Variants in CAMTA1 observed in about 807,000 individuals in gnomAD.
CAMTA1 encodes calmodulin binding transcription activator 1.
A neutral mutation model predicts 170.9 loss-of-function variants in CAMTA1; 27 were observed. The observed-to-expected ratio is 0.16, with a 90% CI of 0.12 to 0.22. The LOEUF (loss-of-function observed/expected upper bound fraction) is 0.22, where lower values mean the gene tolerates loss of function less well. Ranked by LOEUF, CAMTA1 falls within the 10% of genes least tolerant of loss-of-function variation. The probability of loss-of-function intolerance (pLI) is 1.00; values close to 1 mark genes in which losing one functional copy is unlikely to be tolerated. For synonymous variants in CAMTA1, 833 were observed against 891.5 expected, an observed-to-expected ratio of 0.93 and a Z score of 1.17; for missense variants, 1,619 against 2,217.2, an observed-to-expected ratio of 0.73 and a Z score of 5.42.
chr1:6,852,181 T>C (rs936329891), intron 3 of CAMTA1, among the ~76,000 whole-genome samples: 1 of 152,198 alleles, frequency 6.6e-6, no homozygotes, highest in Non-Finnish European at 1.5e-5. Flanking sequence ...ACTAGAATGT[T>C]ATACCCTTCA....
rs959926585 is a variant in CAMTA1 at position 7,065,268 on chromosome 1, G to A, written c.235-26036G>A. ...AGATGGTGATGGGGCAGAGGAGAAG[G>A]GGGAACCAGTTGTTGCAGGAAGATG... On this transcript the variant is annotated intron_variant, in intron 3 of 22. Coordinates refer to ENST00000303635, the MANE Select transcript of CAMTA1 (RefSeq NM_015215.4). This position sits in a 1 kb window ranked among gnomAD's most constrained non-coding sequence, Gnocchi z 5.2. Among the ~76,000 whole-genome samples, 2 of 152,154 alleles carry A rather than the reference G, an allele frequency of 1.3e-5. No homozygotes were observed. Among genetic ancestry groups the A allele is most frequent in the African/African-American group, 4.8e-5 (2 of 41,434 alleles).
intron 4 of CAMTA1, among the ~76,000 whole-genome samples, chr1:7,120,444 A>G (rs1029715314): frequency 2.6e-5 from 4 of 152,210 alleles, no homozygotes; most frequent in Non-Finnish European, 5.9e-5. Context: ...GTTCCTGGAC[A>G]TGTGGGCCCT....
At chr1:7,204,809 CTT>C (rs61639082) in intron 4 of CAMTA1, among the ~76,000 whole-genome samples, 39 of 120,972 alleles carry the variant, frequency 3.2e-4, no homozygotes, top group Admixed American at 1.2e-3. Flanking sequence ...GTCAGAGTTT[CTT>C]TTTTTTTTTT....
chr1:7,051,141 C>T (rs778325365), intron 3 of CAMTA1, among the ~76,000 whole-genome samples: 1 of 152,138 alleles, frequency 6.6e-6, no homozygotes, highest in Non-Finnish European at 1.5e-5. Context: ...GAATATGTTG[C>T]CAGGAGTGCT....
intron 4 of CAMTA1, among the ~76,000 whole-genome samples, chr1:7,107,315 C>A (rs1643704767): frequency 7.0e-6 from 1 of 143,464 alleles, no homozygotes; most frequent in Non-Finnish European, 1.5e-5. Flanking sequence ...CGCCCACACA[C>A]ACAGCTGTGG....
At chr1:6,953,554 C>A (rs1243542387) in intron 3 of CAMTA1, among the ~76,000 whole-genome samples, 1 of 152,200 alleles carries the variant, frequency 6.6e-6, no homozygotes, top group African/African-American at 2.4e-5. Context: ...GAAGCCCAGG[C>A]CCCGCAGGGA....
At chr1:6,828,127 C>T (rs901130328) in intron 3 of CAMTA1, among the ~76,000 whole-genome samples, 2 of 152,208 alleles carry the variant, frequency 1.3e-5, no homozygotes, top group African/African-American at 4.8e-5. Flanking sequence ...CTCGCTCGCT[C>T]TCTCTGCTGG....
intron 3 of CAMTA1, among the ~76,000 whole-genome samples, chr1:6,845,019 G>T (rs182027062): frequency 6.6e-6 from 1 of 152,248 alleles, no homozygotes; most frequent in Admixed American, 6.5e-5. Context: ...TGACAGTCTG[G>T]AAGGAAGAAT....
chr1:6,866,517 G>T (rs1448119414), intron 3 of CAMTA1, among the ~76,000 whole-genome samples: 3 of 152,166 alleles, frequency 2.0e-5, no homozygotes, highest in Non-Finnish European at 4.4e-5. Flanking sequence ...TATTATTTGT[G>T]TTTGGGAGGA....
chr1:7,755,715 A>G (rs1479855308), intron 22 of CAMTA1, 47 bp downstream of exon 22: 19 of 1,588,110 alleles, frequency 1.2e-5, no homozygotes, highest in Non-Finnish European at 1.6e-5. Context: ...TTCCATTTTC[A>G]GTATTTTGCT....
intron 5 of CAMTA1, among the ~76,000 whole-genome samples, chr1:7,366,125 T>G (rs1161460825): frequency 6.6e-6 from 1 of 152,178 alleles, no homozygotes; most frequent in Non-Finnish European, 1.5e-5. Context: ...CAGAAAATAT[T>G]TGTCAAATGG....
At chr1:7,579,296 C>G (rs1007322401) in intron 6 of CAMTA1, among the ~76,000 whole-genome samples, 3 of 152,230 alleles carry the variant, frequency 2.0e-5, no homozygotes, top group African/African-American at 7.2e-5. Flanking sequence ...GTCTTGCCAG[C>G]CTGGCGAGGC....
At chr1:7,391,328 A>AGT (rs35663101) in intron 5 of CAMTA1, among the ~76,000 whole-genome samples, 10,978 of 145,678 alleles carry the variant, frequency 0.075, 737 homozygotes, top group African/African-American at 0.19. Context: ...CCCTTTACAC[A>AGT]GTGTGTGTGT....
chr1:6,792,464 G>GT (rs1362993873), intron 1 of CAMTA1, among the ~76,000 whole-genome samples: 3 of 151,380 alleles, frequency 2.0e-5, no homozygotes, highest in Non-Finnish European at 4.4e-5. Context: ...GATTGGTACT[G>GT]TTTCCTGAGC....
At chr1:7,440,686 G>T (rs1361570627) in intron 5 of CAMTA1, among the ~76,000 whole-genome samples, 1 of 152,132 alleles carries the variant, frequency 6.6e-6, no homozygotes, top group Non-Finnish European at 1.5e-5. Context: ...CTGCGGTCTG[G>T]TCCTGCCTGC....
At position 6,998,578 on chromosome 1, in the gene CAMTA1, T is replaced by G. The variant is rs182193778; in HGVS notation, c.235-92726T>G. Among the ~76,000 whole-genome samples, 11 of 152,298 alleles carry G rather than the reference T, an allele frequency of 7.2e-5. No individual in the cohort carries two copies. The East Asian group carries it at 1.9e-3, about 27-fold the overall frequency. On this transcript the variant is annotated intron_variant, in intron 3 of 22. Transcript: ENST00000303635. ...CCTCAAGGTTTCTTTGAGAATCCAC[T>G]CCCCATGCACTTTGCCTTCTCCATA...
chr1:7,308,845 G>C (rs1279773218), intron 5 of CAMTA1, among the ~76,000 whole-genome samples: 1 of 152,140 alleles, frequency 6.6e-6, no homozygotes, highest in Non-Finnish European at 1.5e-5. Flanking sequence ...TTGGTTGATG[G>C]TGCTATTGAG....
intron 6 of CAMTA1, among the ~76,000 whole-genome samples, chr1:7,497,451 G>A (rs539187212): frequency 2.0e-5 from 3 of 152,308 alleles, no homozygotes; most frequent in South Asian, 2.1e-4. Context: ...GACAAGGCAC[G>A]GCCCATCTAG....
chr1:7,724,818 C>CAA (rs960235639), intron 11 of CAMTA1, among the ~76,000 whole-genome samples: 1,946 of 85,196 alleles, frequency 0.023, 42 homozygotes, highest in Middle Eastern at 0.037. Context: ...GCGAGACTCT[C>CAA]AAAAAAAAAA....
Sources: gnomAD v4.1 joint callset for allele counts (sites outside exome capture counted in the v4.1 genomes callset) on GRCh38, gnomAD v4.1.1 for gene constraint, Gnocchi (gnomAD v3.1) non-coding constraint, MANE v1.5 for transcripts, NCBI Gene and HGNC (gene_info 2026-07-23, HGNC 2026-07-21) for gene names.